The following FLG variants were observed in gnomAD, a reference collection of about 807,000 sequenced individuals.
FLG encodes the protein filaggrin, also known as epidermal filaggrin.
FLG carries 6 observed loss-of-function variants against 3.8 expected under a neutral mutation model. That is an observed-to-expected ratio of 1.60 (90% CI 0.87 to 3.15). The LOEUF (loss-of-function observed/expected upper bound fraction) is 3.15, where lower values mean the gene tolerates loss of function less well. Ranked by LOEUF, FLG falls within the 30% of genes most tolerant of loss-of-function variation. FLG has a pLI of 0.00. For synonymous variants in FLG, 2,551 were observed against 1,931.6 expected (o/e 1.32, Z -8.41); for missense variants, 7,595 against 5,050.9 (o/e 1.50, Z -15.27).
rs1449455465 is a variant in FLG at position 152,309,844 on chromosome 1, T to G, written c.5042A>C (p.His1681Pro). ...TGCTGACTGCTGGTGGCGGGATCCA[T>G]GTCTTTCTCCTGGACTTGACCTTGC... is the stretch of plus-strand genomic sequence containing the variant. ...EQARSSPGER[H>P]GSRHQQSADS... Residue 1681 changes from histidine to proline, a missense_variant, in exon 3 of 3, where the codon CAT becomes CCT. Physicochemically the swap from His to Pro is moderately conservative, Grantham distance 77. Transcript: ENST00000368799. The G allele has an allele frequency of 6.2e-7, 1 of 1,614,106 alleles. No individual in the cohort carries two copies. The highest frequency in any genetic ancestry group is 1.1e-5 in the South Asian group (1 of 91,074).
chr1:152,314,497 C>T lies in FLG; in HGVS notation c.389G>A (p.Arg130Lys), dbSNP rs772107622. Residue 130 changes from arginine to lysine, a missense_variant, in exon 3 of 3, where the codon AGA becomes AAA. Transcript: ENST00000368799. ...ENRKRPSSLE[R>K]RNNRKGNKGR... ...CTTATTCCCTTTTCTATTGTTTCTTCTTTCCAGACTTGAGGGTCTTTTTCT... is the reference window on the plus strand; with the variant it reads ...CTTATTCCCTTTTCTATTGTTTCTTTTTTCCAGACTTGAGGGTCTTTTTCT... 25 of 1,613,106 alleles carry T rather than the reference C, an allele frequency of 1.5e-5. No homozygotes were observed.
At position 152,311,335 on chromosome 1, in the gene FLG, G is replaced by A. The variant is rs3120649; in HGVS notation, c.3551C>T (p.Ser1184Leu). The A allele has an allele frequency of 0.019, 30,539 of 1,613,554 alleles. 4,643 individuals are homozygous for A. The African/African-American group carries it at 0.35, about 18-fold the overall frequency. The change falls in exon 3 of 3, where the codon TCG becomes TTG. Residue 1184 changes from serine to leucine, a missense_variant. Coordinates refer to ENST00000368799, the MANE Select transcript of FLG (RefSeq NM_002016.2). ...CCCTGAGTGTCCAGATCTATCTACCGATTGCTCATGGTGGGATCCCTGCCT... is the reference window on the plus strand; with the variant it reads ...CCCTGAGTGTCCAGATCTATCTACCAATTGCTCATGGTGGGATCCCTGCCT... ...GGRQGSHHEQSVDRSGHSGSH... is the reference protein window; with the variant it reads ...GGRQGSHHEQLVDRSGHSGSH...
rs1452393267 is a variant in FLG at position 152,311,492 on chromosome 1, C to A, written c.3394G>T (p.Gly1132Trp). 6.2e-7 allele frequency: 1 copy of A among 1,613,766 alleles called. No individual in the cohort carries two copies. ...STHEQSESAHGRTRTSTGRRQ... is the reference protein window; with the variant it reads ...STHEQSESAHWRTRTSTGRRQ... ...CGTCCAGTGCTGGTCCTGGTCCGCC[C>A]ATGGGCAGACTCAGACTGTTCATGA... The change falls in exon 3 of 3, where the codon GGG becomes TGG. Residue 1132 changes from glycine (G) to tryptophan (W), a missense_variant. By Grantham distance (184) the Gly-to-Trp change is radical. Coordinates refer to ENST00000368799, the MANE Select transcript of FLG (RefSeq NM_002016.2).
At chr1:152,322,217 T>C (rs1276031568) in intron 1 of FLG, among the ~76,000 whole-genome samples, 1 of 151,104 alleles carries the variant, frequency 6.6e-6, no homozygotes, top group Non-Finnish European at 1.5e-5. Flanking sequence ...CCTATTGATA[T>C]ATACTATGTA....
Position 152,310,546 on chromosome 1 carries a change from G to T in FLG, c.4340C>A (p.Ser1447Tyr). 1 of 1,613,852 alleles carries T rather than the reference G, an allele frequency of 6.2e-7. No homozygotes were observed. The highest frequency in any genetic ancestry group is 8.5e-7 in the Non-Finnish European group (1 of 1,179,930). ...RSRSFLYQVSSHEQSESTHGQ... is the reference protein window; with the variant it reads ...RSRSFLYQVSYHEQSESTHGQ... ...GTGTGTGGACTCAGACTGTTCATGAGAGCTCACCTGGTAGAGGAAAGACCT... is the reference window on the plus strand; with the variant it reads ...GTGTGTGGACTCAGACTGTTCATGATAGCTCACCTGGTAGAGGAAAGACCT... Residue 1447 changes from serine to tyrosine, a missense_variant, in exon 3 of 3, where the codon TCT becomes TAT. Coordinates refer to ENST00000368799, the MANE Select transcript of FLG (RefSeq NM_002016.2).
chr1:152,309,103 G>C lies in FLG; in HGVS notation c.5783C>G (p.Ser1928Ter). 6.2e-7 allele frequency: 1 copy of C among 1,614,126 alleles called. No individual in the cohort carries two copies. Among genetic ancestry groups the C allele is most frequent in the East Asian group, 2.2e-5 (1 of 44,866 alleles). The stretch of plus-strand genomic sequence containing the variant: ...CCCAGACCACCTCTCAGAGTCTTCT[G>C]AGTGTCCCTGACTGTCACTGTCCTG... ...VSQDSDSQGH[S>*]EDSERWSGSA... The change falls in exon 3 of 3, where the codon TCA (serine) becomes TGA (stop). Residue 1928 changes from serine to a stop codon, truncating the protein, a stop_gained. Coordinates refer to ENST00000368799, the MANE Select transcript of FLG (RefSeq NM_002016.2). LOFTEE classifies it low-confidence loss of function (END_TRUNC).
At chr1:152,320,477 G>T (rs959290574) in intron 1 of FLG, among the ~76,000 whole-genome samples, 2 of 151,028 alleles carry the variant, frequency 1.3e-5, no homozygotes, top group African/African-American at 2.4e-5. Flanking sequence ...ATTCATATCT[G>T]TCAAGCAGAC....
Position 152,312,245 on chromosome 1 carries a change from C to G in FLG, c.2641G>C (p.Asp881His). 6.2e-7 allele frequency: 1 copy of G among 1,613,946 alleles called. No homozygotes were observed. The highest frequency in any genetic ancestry group is 8.5e-7 in the Non-Finnish European group (1 of 1,179,988). ...HSHTTSQGRS[D>H]ASRGQSGSRS... ...GATCCTGACTGCCCACGGGAGGCATCAGACCTTCCCTGGGATGTGGTGTGG... is the reference window on the plus strand; with the variant it reads ...GATCCTGACTGCCCACGGGAGGCATGAGACCTTCCCTGGGATGTGGTGTGG... Residue 881 changes from aspartate to histidine, a missense_variant, in exon 3 of 3, where the codon GAT (aspartate) becomes CAT (histidine). By Grantham distance (81) the Asp-to-His change is moderately conservative. Transcript: ENST00000368799.
In FLG at chr1:152,312,044, G is replaced by C; in HGVS notation, c.2842C>G (p.Gln948Glu). The change falls in exon 3 of 3, where the codon CAG becomes GAG. Residue 948 changes from glutamine (Q) to glutamate (E), a missense_variant. Gln to Glu is a conservative substitution (Grantham distance 29). Transcript: ENST00000368799. ...GAATGTCCCTCACTGTCACTGTCCTGGCTAACACTGGATCCCTGGCGCCTG... is the reference window on the plus strand; with the variant it reads ...GAATGTCCCTCACTGTCACTGTCCTCGCTAACACTGGATCCCTGGCGCCTG... ...TSRRQGSSVSQDSDSEGHSED... is the reference protein window; with the variant it reads ...TSRRQGSSVSEDSDSEGHSED... The C allele has an allele frequency of 1.2e-6, 2 of 1,614,122 alleles. No homozygotes were observed. Among genetic ancestry groups the C allele is most frequent in the Middle Eastern group, 3.3e-4 (2 of 6,062 alleles).
In FLG at chr1:152,303,598, C is replaced by T; in HGVS notation, c.11288G>A (p.Gly3763Glu). ...EGQDTIRGHP[G>E]SRRGGRQGSY... ...TCCCTGTCTTCCTCCTCTCCTTGAC[C>T]CCGGGTGTCCACGAATGGTGTCCTG... Residue 3763 changes from glycine (G) to glutamate (E), a missense_variant, in exon 3 of 3, where the codon GGG becomes GAG. Gly to Glu is a moderately conservative substitution (Grantham distance 98). Coordinates refer to ENST00000368799, the MANE Select transcript of FLG (RefSeq NM_002016.2). 2 of 1,613,880 alleles carry T rather than the reference C, an allele frequency of 1.2e-6. No individual in the cohort carries two copies. The highest frequency in any genetic ancestry group is 1.3e-5 in the African/African-American group (1 of 74,962).
At position 152,315,331 on chromosome 1, in the gene FLG, C is replaced by G. The variant is rs749577893; in HGVS notation, c.126G>C (p.Arg42=). 2 of 1,613,242 alleles carry G rather than the reference C, an allele frequency of 1.2e-6. No homozygotes were observed. Among genetic ancestry groups the G allele is most frequent in the Non-Finnish European group, 1.7e-6 (2 of 1,179,518 alleles). Residue 42 remains arginine (R), a synonymous_variant, in exon 2 of 3, where the codon CGG becomes CGC. Coordinates refer to ENST00000368799, the MANE Select transcript of FLG (RefSeq NM_002016.2). ...CAGAGACTCTTACCTTCAGGATTTGCCGAAATTCCTTTTCCAGAAGTTCCT... is the reference window on the plus strand; with the variant it reads ...CAGAGACTCTTACCTTCAGGATTTGGCGAAATTCCTTTTCCAGAAGTTCCT... ...ELKELLEKEF[R]QILKNPDDPD...
At position 152,304,708 on chromosome 1, in the gene FLG, T is replaced by A. The variant is rs146234375; in HGVS notation, c.10178A>T (p.His3393Leu). 1.2e-6 allele frequency: 2 copies of A among 1,613,386 alleles called. No individual in the cohort carries two copies. The highest frequency in any genetic ancestry group is 2.2e-5 in the East Asian group (1 of 44,726). ...SGSFLYQVST[H>L]EQSESAHGRT... is the part of the protein sequence containing the mutation. ...CCCATGGGCAGACTCAGACTGTTCA[T>A]GAGTGCTCACCTGGTAGAGGAAAGA... The change falls in exon 3 of 3, where the codon CAT becomes CTT. Residue 3393 changes from histidine (H) to leucine (L), a missense_variant. By Grantham distance (99) the His-to-Leu change is moderately conservative (BLOSUM62 -3). Transcript: ENST00000368799.
In FLG at chr1:152,305,438, C is replaced by A; in HGVS notation, c.9448G>T (p.Asp3150Tyr). ...GATCCTGACTGCCCACGGGAGGCAT[C>A]AGACCTTCCCTGGGATGTGGTGTGG... Reference protein sequence around the residue: ...HSHTTSQGRSDASRGQSGSRS... With the variant: ...HSHTTSQGRSYASRGQSGSRS... The change falls in exon 3 of 3, where the codon GAT (aspartate) becomes TAT (tyrosine). Residue 3150 changes from aspartate (D) to tyrosine (Y), a missense_variant. Transcript: ENST00000368799. 1 of 1,596,926 alleles carries A rather than the reference C, an allele frequency of 6.3e-7. No individual in the cohort carries two copies.
Position 152,312,057 on chromosome 1 carries a change from T to G in FLG, c.2829A>C (p.Gly943=), listed in dbSNP as rs1652469432. The G allele has an allele frequency of 6.2e-7, 1 of 1,613,950 alleles. No individual in the cohort carries two copies. The highest frequency in any genetic ancestry group is 8.5e-7 in the Non-Finnish European group (1 of 1,180,008). Residue 943 remains glycine, a synonymous_variant, in exon 3 of 3, where the codon GGA becomes GGC. Coordinates refer to ENST00000368799, the MANE Select transcript of FLG (RefSeq NM_002016.2). ...SEGSRTSRRQ[G]SSVSQDSDSE... is the part of the protein sequence containing the mutation. ...TGTCACTGTCCTGGCTAACACTGGA[T>G]CCCTGGCGCCTGCTTGTCCTGGACC...
rs72697000 is a variant in FLG, at chr1:152,304,296, C to A, written c.10590G>T (p.Arg3530Ser). The A allele has an allele frequency of 0.17, 269,582 of 1,608,444 alleles. 28,568 individuals carry two copies. Among genetic ancestry groups the A allele is most frequent in the East Asian group, 0.51 (22,295 of 43,998 alleles). Residue 3530 changes from arginine (R) to serine (S), a missense_variant, in exon 3 of 3, where the codon AGG becomes AGT. Transcript: ENST00000368799. ...QSGQGQSAGPRTSRNQGSSVS... is the reference protein window; with the variant it reads ...QSGQGQSAGPSTSRNQGSSVS... ...CACTGGATCCCTGGTTCCTGCTTGTCCTGGGCCCCGCTGATTGTCCCTGGC... is the reference window on the plus strand; with the variant it reads ...CACTGGATCCCTGGTTCCTGCTTGTACTGGGCCCCGCTGATTGTCCCTGGC...
In FLG at chr1:152,304,758, T is replaced by G. The variant is rs766312877; in HGVS notation, c.10128A>C (p.Ser3376=). The change falls in exon 3 of 3, where the codon TCA becomes TCC. Residue 3376 remains serine (S), a synonymous_variant. Coordinates refer to ENST00000368799, the MANE Select transcript of FLG (RefSeq NM_002016.2). ...QSHQESARDR[S]GGRSGRSGSF... The stretch of plus-strand genomic sequence containing the variant: ...ACCCTGAACGTCCAGACCTTCCCCC[T>G]GACCGGTCACGTGCGGACTCTTGGT... 6.2e-7 allele frequency: 1 copy of G among 1,613,556 alleles called. No individual in the cohort carries two copies. The highest frequency in any genetic ancestry group is 1.1e-5 in the South Asian group (1 of 90,958).
rs1477374831 is a variant in FLG, at chr1:152,314,302, T to C, written c.584A>G (p.Asp195Gly). 6.2e-7 allele frequency: 1 copy of C among 1,613,630 alleles called. No homozygotes were observed. The highest frequency in any genetic ancestry group is 1.1e-5 in the South Asian group (1 of 91,074). Residue 195 changes from aspartate (D) to glycine (G), a missense_variant, in exon 3 of 3, where the codon GAC (aspartate) becomes GGC (glycine). By Grantham distance (94) the Asp-to-Gly change is moderately conservative (BLOSUM62 -1). Coordinates refer to ENST00000368799, the MANE Select transcript of FLG (RefSeq NM_002016.2). ...KNKTENTRLG[D>G]NRKRLSERLE... ...TCTTTCACTTAGCCTCTTCCTATTG[T>C]CTCCTAATCTAGTATTTTCAGTCTT...
chr1:152,319,538 T>C (rs1019085957), intron 1 of FLG, among the ~76,000 whole-genome samples: 5 of 151,522 alleles, frequency 3.3e-5, no homozygotes, highest in Non-Finnish European at 7.4e-5. Context: ...AGACATATAA[T>C]AATAAAACTG....
rs542448683 is a variant in FLG at position 152,309,888 on chromosome 1, A to C, written c.4998T>G (p.Ala1666=). ...ACCTTGCCTGTTCCTGGGATGATGC[A>C]GCCTGTCCACCAGAGGAAGTCTCTG... ...RHAETSSGGQ[A]ASSQEQARSS... is the part of the protein sequence containing the mutation. Residue 1666 remains alanine, a synonymous_variant, in exon 3 of 3, where the codon GCT becomes GCG. Coordinates refer to ENST00000368799, the MANE Select transcript of FLG (RefSeq NM_002016.2). 2 of 1,614,026 alleles carry C rather than the reference A, an allele frequency of 1.2e-6. No individual in the cohort carries two copies. Among genetic ancestry groups the C allele is most frequent in the African/African-American group, 1.3e-5 (1 of 74,998 alleles).
Sources: gnomAD v4.1 joint callset for allele counts (sites outside exome capture counted in the v4.1 genomes callset) on GRCh38, gnomAD v4.1.1 for gene constraint, MANE v1.5 for transcripts, NCBI Gene and HGNC (gene_info 2026-07-23, HGNC 2026-07-21) for gene names.